The following TLX1 variants were observed in gnomAD, a reference collection of about 807,000 sequenced individuals.
TLX1 encodes T-cell leukemia homeobox protein 1.
A neutral mutation model predicts 26.5 loss-of-function variants in TLX1; 6 were observed. The observed-to-expected ratio is 0.23, with a 90% confidence interval of 0.12 to 0.45. The LOEUF is 0.45. Ranked by LOEUF, TLX1 falls within the 20% of genes least tolerant of loss-of-function variation. TLX1 has a pLI of 0.99. For synonymous variants in TLX1, 217 were observed against 219.7 expected, an observed-to-expected ratio of 0.99 and a Z score of 0.11; for missense variants, 418 against 482.6, an observed-to-expected ratio of 0.87 and a Z score of 1.25.
rs1367613024 is a variant in TLX1 at position 101,137,404 on chromosome 10, C to T, written c.*491C>T. On this transcript the variant is annotated 3_prime_UTR_variant, in exon 3 of 3. Transcript: ENST00000370196. ...CACATGGGCATCTATGGGAGAGTGTCAACCAGACAGAGGGTCACAGTGTTT... is the reference window on the plus strand; with the variant it reads ...CACATGGGCATCTATGGGAGAGTGTTAACCAGACAGAGGGTCACAGTGTTT... 1 of 263,506 alleles carries T rather than the reference C, an allele frequency of 3.8e-6. No homozygotes were observed. The highest frequency in any genetic ancestry group is 7.4e-6 in the Non-Finnish European group (1 of 135,994). 16.3% of individuals were successfully genotyped at this position (263,506 alleles called of 1,614,324 possible).
chr10:101,132,219 C>A lies in TLX1; in HGVS notation c.568+110C>A. 1.0e-6 allele frequency: 1 copy of A among 979,648 alleles called. No individual in the cohort carries two copies. Among genetic ancestry groups the A allele is most frequent in the Non-Finnish European group, 1.3e-6 (1 of 748,950 alleles). The allele number at this position is 979,648 out of a possible 1,614,324, so 60.7% of individuals were successfully genotyped here. On this transcript the variant is annotated intron_variant, in intron 1 of 2. Transcript: ENST00000370196. This position sits in a 1 kb window ranked among gnomAD's most constrained non-coding sequence, Gnocchi z 4.1. The stretch of plus-strand genomic sequence containing the variant: ...GTTCTGCGCTCCAGGTCGCCCAGCT[C>A]TTCTTGGTGCTTCCCCCAAGTTGAG...
Position 101,131,848 on chromosome 10 carries a change from G to A in TLX1, c.307G>A (p.Val103Met), listed in dbSNP as rs1260554532. Reference sequence around the variant, plus strand: ...GGGTCCTCTGACCGGCTCCTACAACGTGAACATGGCCTTGGCAGGCGGCCC... The same window carrying A: ...GGGTCCTCTGACCGGCTCCTACAACATGAACATGGCCTTGGCAGGCGGCCC... ...SMGPLTGSYN[V>M]NMALAGGPGP... The change falls in exon 1 of 3, where the codon GTG becomes ATG. Residue 103 changes from valine (V) to methionine (M), a missense_variant. By Grantham distance (21) the Val-to-Met change is conservative. Transcript: ENST00000370196. The A allele has an allele frequency of 1.4e-6, 2 of 1,411,976 alleles. No homozygotes were observed. Among genetic ancestry groups the A allele is most frequent in the East Asian group, 3.0e-5 (1 of 33,030 alleles). 87.5% of individuals were successfully genotyped at this position (1,411,976 alleles called of 1,614,324 possible). A position where few individuals can be genotyped will look rare whatever the true frequency, so the allele number is the denominator to read the frequency against.
chr10:101,133,951 G>A (rs1940233051), intron 1 of TLX1, among the ~76,000 whole-genome samples: 1 of 152,156 alleles, frequency 6.6e-6, no homozygotes, highest in Non-Finnish European at 1.5e-5. Context: ...GGCGACGGCG[G>A]CGTCGGACTG....
chr10:101,134,181 C>G lies in TLX1; in HGVS notation c.575C>G (p.Pro192Arg). The change falls in exon 2 of 3, where the codon CCC (proline) becomes CGC (arginine). Residue 192 changes from proline to arginine, a missense_variant. Pro to Arg is a moderately radical substitution (Grantham distance 103, BLOSUM62 -2). Coordinates refer to ENST00000370196, the MANE Select transcript of TLX1 (RefSeq NM_005521.4). ...RYTKDRFTGH[P>R]YQNRTPPKKK... ...ACTGTAACACGCCGTATAGGTCACC[C>G]CTATCAGAACCGGACGCCCCCCAAG... 1.2e-6 allele frequency: 2 copies of G among 1,603,930 alleles called. No homozygotes were observed. Among genetic ancestry groups the G allele is most frequent in the South Asian group, 2.2e-5 (2 of 88,930 alleles).
In TLX1 at chr10:101,136,905, T is replaced by C; in HGVS notation, c.985T>C (p.Cys329Arg). The change falls in exon 3 of 3, where the codon TGC becomes CGC. Residue 329 changes from cysteine to arginine, a missense_variant. By Grantham distance (180) the Cys-to-Arg change is radical (BLOSUM62 -3). Around this residue, in one of 3 missense-constraint regions of TLX1, gnomAD observed 78 missense variants for 92.2 expected, o/e 0.85. Transcript: ENST00000370196. ...TAGCGTCACGTCGGTGGCGTCGGCC[T>C]GCGAGTGAGCCTGCCCATTCTGCCC... ...ITSVTSVASACE is the reference protein window; with the variant it reads ...ITSVTSVASARE 6.2e-7 allele frequency: 1 copy of C among 1,613,556 alleles called. No individual in the cohort carries two copies. Among genetic ancestry groups the C allele is most frequent in the African/African-American group, 1.3e-5 (1 of 75,058 alleles).
rs1940241773 is a variant in TLX1 at position 101,134,289 on chromosome 10, C to T, written c.683C>T (p.Ser228Leu). 1 of 1,612,158 alleles carries T rather than the reference C, an allele frequency of 6.2e-7. No homozygotes were observed. The highest frequency in any genetic ancestry group is 1.3e-5 in the African/African-American group (1 of 74,860). ...TTCCACCGCCAGAAGTACCTGGCCT[C>T]GGCCGAGCGCGCCGCCCTGGCCAAG... ...KRFHRQKYLA[S>L]AERAALAKAL... Residue 228 changes from serine (S) to leucine (L), a missense_variant, in exon 2 of 3, where the codon TCG becomes TTG. By Grantham distance (145) the Ser-to-Leu change is moderately radical. Transcript: ENST00000370196.
chr10:101,134,158 T>C lies in TLX1; in HGVS notation c.569-17T>C. The C allele has an allele frequency of 6.3e-7, 1 of 1,583,766 alleles. No individual in the cohort carries two copies. Among genetic ancestry groups the C allele is most frequent in the Non-Finnish European group, 8.6e-7 (1 of 1,166,550 alleles). On this transcript the variant is annotated splice_polypyrimidine_tract_variant and intron_variant, in intron 1 of 2. Transcript: ENST00000370196. ...CTCCAGTGGCCCTCTCACCCTTCAC[T>C]GTAACACGCCGTATAGGTCACCCCT...
At position 101,131,352 on chromosome 10, in the gene TLX1, A is replaced by G. The variant is rs965667097; in HGVS notation, c.-190A>G. On this transcript the variant is annotated 5_prime_UTR_variant, in exon 1 of 3. Transcript: ENST00000370196. ...CAGCCGGAGCGGGGAAGCAGAAGCCAGAGAGGGGAAGAATACGGCGCCCCC... is the reference window on the plus strand; with the variant it reads ...CAGCCGGAGCGGGGAAGCAGAAGCCGGAGAGGGGAAGAATACGGCGCCCCC... 3 of 428,820 alleles carry G rather than the reference A, an allele frequency of 7.0e-6. No homozygotes were observed. The Admixed American group carries it at 1.3e-4, about 19-fold the overall frequency. The allele number at this position is 428,820 out of a possible 1,614,324, so 26.6% of individuals were successfully genotyped here. A position where few individuals can be genotyped will look rare whatever the true frequency, so the allele number is the denominator to read the frequency against.
At position 101,134,156 on chromosome 10, in the gene TLX1, A is replaced by G. The variant is rs916904814; in HGVS notation, c.569-19A>G. On this transcript the variant is annotated intron_variant, in intron 1 of 2. Transcript: ENST00000370196. Reference sequence around the variant, plus strand: ...CGCTCCAGTGGCCCTCTCACCCTTCACTGTAACACGCCGTATAGGTCACCC... The same window carrying G: ...CGCTCCAGTGGCCCTCTCACCCTTCGCTGTAACACGCCGTATAGGTCACCC... 1.3e-6 allele frequency: 2 copies of G among 1,579,546 alleles called. No individual in the cohort carries two copies. The highest frequency in any genetic ancestry group is 1.7e-6 in the Non-Finnish European group (2 of 1,164,668).
rs1940172965 is a variant in TLX1, at chr10:101,131,646, A to G, written c.105A>G (p.Gly35=). ...GCCCGGACCAGGGTGGCTGCATGGG[A>G]CCCGCCTCGCGCCTCCAGGACGGAG... ...LNSPDQGGCM[G]PASRLQDGEY... is the part of the protein sequence containing the mutation. The change falls in exon 1 of 3, where the codon GGA becomes GGG. Residue 35 remains glycine (G), a synonymous_variant. Coordinates refer to ENST00000370196, the MANE Select transcript of TLX1 (RefSeq NM_005521.4). 1.3e-6 allele frequency: 2 copies of G among 1,567,138 alleles called. No individual in the cohort carries two copies. Among genetic ancestry groups the G allele is most frequent in the Admixed American group, 1.8e-5 (1 of 54,088 alleles).
rs575998958 is a variant in TLX1 at position 101,137,780 on chromosome 10, C to T, written c.*867C>T. On this transcript the variant is annotated 3_prime_UTR_variant, in exon 3 of 3. Coordinates refer to ENST00000370196, the MANE Select transcript of TLX1 (RefSeq NM_005521.4). ...TGTGAAAAAAATAAATAAAAGCCTC[C>T]GGATCCGGAGTCAGGGCTGCCTGCT... The T allele has an allele frequency of 8.0e-5, 17 of 212,758 alleles. No homozygotes were observed. Among genetic ancestry groups the T allele is most frequent in the East Asian group, 7.0e-4 (10 of 14,198 alleles). 13.2% of individuals were successfully genotyped at this position (212,758 alleles called of 1,614,324 possible). A position where few individuals can be genotyped will look rare whatever the true frequency, so the allele number is the denominator to read the frequency against.
Position 101,137,649 on chromosome 10 carries a change from T to C in TLX1, c.*736T>C, listed in dbSNP as rs1415663771. The C allele has an allele frequency of 4.3e-6, 1 of 233,558 alleles. No individual in the cohort carries two copies. The highest frequency in any genetic ancestry group is 8.5e-6 in the Non-Finnish European group (1 of 118,072). 14.5% of individuals were successfully genotyped at this position (233,558 alleles called of 1,614,324 possible). The stretch of plus-strand genomic sequence containing the variant: ...ACGCACAGACAGGTTTTCACATAAA[T>C]GCAGCCCATTTCTCCAGAACCCATT... On this transcript the variant is annotated 3_prime_UTR_variant, in exon 3 of 3. Coordinates refer to ENST00000370196, the MANE Select transcript of TLX1 (RefSeq NM_005521.4).
Position 101,137,254 on chromosome 10 carries a change from G to A in TLX1, c.*341G>A. 2.8e-6 allele frequency: 1 copy of A among 358,822 alleles called. No homozygotes were observed. The highest frequency in any genetic ancestry group is 4.5e-5 in the South Asian group (1 of 22,122). 22.2% of individuals were successfully genotyped at this position (358,822 alleles called of 1,614,324 possible). A position where few individuals can be genotyped will look rare whatever the true frequency, so the allele number is the denominator to read the frequency against. On this transcript the variant is annotated 3_prime_UTR_variant, in exon 3 of 3. Transcript: ENST00000370196. ...GAGGAGGAGCTTCTGGGGTCCCCAG[G>A]GCTGTCATCTGAATTTGCCCTGGGA...
chr10:101,132,845 C>T lies in TLX1; in HGVS notation c.568+736C>T, dbSNP rs139302786. On this transcript the variant is annotated intron_variant, in intron 1 of 2. Coordinates refer to ENST00000370196, the MANE Select transcript of TLX1 (RefSeq NM_005521.4). The surrounding 1 kb of genome is among the most constrained non-coding windows in gnomAD (Gnocchi z 4.1). ...TGATCGGTGGCGGGAAGACTACTCCCGGGACATTGGGTACTAAGTGGTGGC... is the reference window on the plus strand; with the variant it reads ...TGATCGGTGGCGGGAAGACTACTCCTGGGACATTGGGTACTAAGTGGTGGC... 302 of 152,474 alleles carry T rather than the reference C, an allele frequency of 2.0e-3. No homozygotes were observed. Among genetic ancestry groups the T allele is most frequent in the South Asian group, 3.5e-3 (17 of 4,814 alleles). 9.4% of individuals were successfully genotyped at this position (152,474 alleles called of 1,614,324 possible).
intron 2 of TLX1, among the ~76,000 whole-genome samples, chr10:101,136,300 G>T (rs959668553): frequency 1.3e-5 from 2 of 152,212 alleles, no homozygotes; most frequent in Admixed American, 6.5e-5. Flanking sequence ...TGTGGGTAGG[G>T]TGAGGGCCCT....
In TLX1 at chr10:101,134,214, A is replaced by C; in HGVS notation, c.608A>C (p.Lys203Thr). 6.2e-7 allele frequency: 1 copy of C among 1,610,262 alleles called. No homozygotes were observed. The highest frequency in any genetic ancestry group is 8.5e-7 in the Non-Finnish European group (1 of 1,178,572). Residue 203 changes from lysine (K) to threonine (T), a missense_variant, in exon 2 of 3, where the codon AAG (lysine) becomes ACG (threonine). Physicochemically the swap from Lys to Thr is moderately conservative, Grantham distance 78. This residue lies in a region of TLX1 where 322 missense variants were observed against 344.6 expected (regional missense o/e 0.93). Transcript: ENST00000370196. ...YQNRTPPKKK[K>T]PRTSFTRLQI... ...AACCGGACGCCCCCCAAGAAGAAGA[A>C]GCCGCGCACGTCCTTCACACGCCTG...
chr10:101,136,522 T>TC, intron 2 of TLX1, 169 bp from the exon 3 acceptor site: 1 of 1,055,254 alleles, frequency 9.5e-7, no homozygotes, highest in Non-Finnish European at 1.4e-6. Context: ...TTTGTTGGAG[T>TC]CAGGACTCTC....
Position 101,132,088 on chromosome 10 carries a change from T to C in TLX1, c.547T>C (p.Tyr183His). 3 of 1,429,502 alleles carry C rather than the reference T, an allele frequency of 2.1e-6. No individual in the cohort carries two copies. The highest frequency in any genetic ancestry group is 2.7e-6 in the Non-Finnish European group (3 of 1,095,524). 88.6% of individuals were successfully genotyped at this position (1,429,502 alleles called of 1,614,324 possible). Reference sequence around the variant, plus strand: ...CCCCTGGATGGAGAGTAACCGCAGATACACAAAGGACAGGTTCACAGGTGA... The same window carrying C: ...CCCCTGGATGGAGAGTAACCGCAGACACACAAAGGACAGGTTCACAGGTGA... ...TFPWMESNRRYTKDRFTGHPY... is the reference protein window; with the variant it reads ...TFPWMESNRRHTKDRFTGHPY... The change falls in exon 1 of 3, where the codon TAC (tyrosine) becomes CAC (histidine). Residue 183 changes from tyrosine (Y) to histidine (H), a missense_variant. Transcript: ENST00000370196. The surrounding 1 kb of genome is among the most constrained non-coding windows in gnomAD (Gnocchi z 4.1).
chr10:101,136,104 A>G (rs536383387), intron 2 of TLX1, among the ~76,000 whole-genome samples: 1 of 152,344 alleles, frequency 6.6e-6, no homozygotes, highest in Non-Finnish European at 1.5e-5. Flanking sequence ...AGTAAATGGA[A>G]TAAGTGAGTC....
Sources: allele counts gnomAD v4.1 joint callset (sites outside exome capture counted in the v4.1 genomes callset), GRCh38; gene constraint gnomAD v4.1.1; regional missense constraint gnomAD v4.1.1; non-coding constraint Gnocchi (gnomAD v3.1); transcripts MANE v1.5; gene names NCBI Gene and HGNC (gene_info 2026-07-23, HGNC 2026-07-21).